PRKCA: variants seen among roughly 807,000 people sequenced by gnomAD.
The protein encoded by PRKCA is protein kinase C alpha type.
PRKCA carries 27 observed loss-of-function variants against 87.0 expected under a neutral mutation model. That is an observed-to-expected ratio of 0.31 (90% CI 0.23 to 0.43). The LOEUF (loss-of-function observed/expected upper bound fraction) is 0.43. Among genes scored for constraint, PRKCA ranks in the 20% least tolerant of loss-of-function variants. The pLI is 1.00. For missense variants in PRKCA, 518 were observed against 852.3 expected (o/e 0.61, Z 4.88); for synonymous variants, 329 against 311.1 (o/e 1.06, Z -0.61).
intron 2 of PRKCA, among the ~76,000 whole-genome samples, chr17:66,488,265 G>A (rs1359149382): frequency 6.6e-6 from 1 of 152,184 alleles, no homozygotes; most frequent in Non-Finnish European, 1.5e-5. Context: ...TGTATGATAT[G>A]ACTTTGTGGA....
At chr17:66,779,433 G>T (rs553810755) in intron 14 of PRKCA, among the ~76,000 whole-genome samples, 321 of 150,912 alleles carry the variant, frequency 2.1e-3, no homozygotes, top group Non-Finnish European at 3.8e-3. Flanking sequence ...TCGTCATAAA[G>T]GGACCAGCCC....
chr17:66,642,358 T>C (rs982987099), intron 4 of PRKCA, among the ~76,000 whole-genome samples: 12 of 152,112 alleles, frequency 7.9e-5, no homozygotes. Flanking sequence ...CTCGATCTCC[T>C]GACCTCGTGA....
intron 3 of PRKCA, among the ~76,000 whole-genome samples, chr17:66,620,099 T>C (rs1970633485): frequency 6.6e-6 from 1 of 152,206 alleles, no homozygotes; most frequent in African/African-American, 2.4e-5. Context: ...GTCATGCAGC[T>C]TTCAAAGAGC....
chr17:66,584,264 C>T (rs1969529636), intron 3 of PRKCA, among the ~76,000 whole-genome samples: 1 of 134,148 alleles, frequency 7.5e-6, no homozygotes, highest in South Asian at 2.4e-4. Flanking sequence ...CTCTGTCGCC[C>T]AGGCTGGAGT....
intron 5 of PRKCA, among the ~76,000 whole-genome samples, chr17:66,649,129 A>G (rs1474696506): frequency 6.6e-6 from 1 of 151,882 alleles, no homozygotes; most frequent in Admixed American, 6.6e-5. Context: ...AAGAAAAAAT[A>G]GGTACCCGCA....
chr17:66,690,666 AAAAATAC>A lies in PRKCA; in HGVS notation c.918+1624_918+1630del, dbSNP rs1972755495. 7.9e-5 allele frequency among the ~76,000 whole-genome samples: 12 copies of A among 152,008 alleles called. No individual in the cohort carries two copies. The South Asian group carries it at 2.5e-3, about 32-fold the overall frequency. ...AACATGGCGAAACCCAATCTCTACT[AAAAATAC>A]AAAAATTAGCCGGGTTTGGTGGCAT... On this transcript the variant is annotated intron_variant, in intron 8 of 16. Transcript: ENST00000413366.
At chr17:66,663,353 G>A (rs991305221) in intron 5 of PRKCA, among the ~76,000 whole-genome samples, 5 of 152,222 alleles carry the variant, frequency 3.3e-5, no homozygotes, top group Non-Finnish European at 7.3e-5. Context: ...TGATGTGAAT[G>A]CTTATAATTT....
chr17:66,335,066 A>G (rs1167453256), intron 2 of PRKCA, among the ~76,000 whole-genome samples: 1 of 152,174 alleles, frequency 6.6e-6, no homozygotes, highest in Non-Finnish European at 1.5e-5. Context: ...TCTCAAACTC[A>G]TGGAGACAGA....
intron 2 of PRKCA, among the ~76,000 whole-genome samples, chr17:66,371,715 T>C (rs1909115777): frequency 1.3e-5 from 2 of 152,216 alleles, no homozygotes; most frequent in African/African-American, 2.4e-5. Flanking sequence ...GTAATATATA[T>C]GTTGCTTTTT....
intron 5 of PRKCA, among the ~76,000 whole-genome samples, chr17:66,647,685 G>A (rs986948191): frequency 3.3e-5 from 5 of 152,274 alleles, no homozygotes; most frequent in African/African-American, 4.8e-5. Flanking sequence ...AGGCCTTATC[G>A]TGCTAGAGCT....
intron 3 of PRKCA, among the ~76,000 whole-genome samples, chr17:66,550,239 T>C (rs1016185414): frequency 6.6e-6 from 1 of 152,204 alleles, no homozygotes; most frequent in Non-Finnish European, 1.5e-5. Flanking sequence ...GCCAGCATTC[T>C]CTCACAAAGG....
intron 1 of PRKCA, among the ~76,000 whole-genome samples, chr17:66,304,677 G>T (rs1393264350): frequency 6.6e-6 from 1 of 152,194 alleles, no homozygotes; most frequent in Non-Finnish European, 1.5e-5. Context: ...TGCGAATAAG[G>T]TGTTTAATTT....
At chr17:66,372,864 C>G (rs1021975908) in intron 2 of PRKCA, among the ~76,000 whole-genome samples, 9 of 152,126 alleles carry the variant, frequency 5.9e-5, no homozygotes, top group Middle Eastern at 3.2e-3. Flanking sequence ...CGAGACCAGC[C>G]TGCCCAACAC....
chr17:66,618,310 G>A (rs897507131), intron 3 of PRKCA, among the ~76,000 whole-genome samples: 2 of 149,884 alleles, frequency 1.3e-5, no homozygotes, highest in Non-Finnish European at 3.0e-5. Context: ...AGCTGAGATC[G>A]TGCCATTGCA....
chr17:66,715,508 C>A (rs1973451171), intron 8 of PRKCA, among the ~76,000 whole-genome samples: 1 of 152,212 alleles, frequency 6.6e-6, no homozygotes, highest in African/African-American at 2.4e-5. Context: ...TTTCTTGGAT[C>A]TGTGGCTTGC....
At position 66,689,187 on chromosome 17, in the gene PRKCA, C is replaced by T; in HGVS notation, c.918+140C>T. Reference sequence around the variant, plus strand: ...AATGATCTTTTTCTTTATTTAAAAACATGAATGTTGTTCGTTCCCTTTCCT... The same window carrying T: ...AATGATCTTTTTCTTTATTTAAAAATATGAATGTTGTTCGTTCCCTTTCCT... On this transcript the variant is annotated intron_variant, in intron 8 of 16. Transcript: ENST00000413366. The surrounding 1 kb of genome is among the most constrained non-coding windows in gnomAD (Gnocchi z 4.1). 1 of 578,054 alleles carries T rather than the reference C, an allele frequency of 1.7e-6. No individual in the cohort carries two copies. Among genetic ancestry groups the T allele is most frequent in the Non-Finnish European group, 3.0e-6 (1 of 329,740 alleles). The allele number at this position is 578,054 out of a possible 1,614,324, so 35.8% of individuals were successfully genotyped here. A position where few individuals can be genotyped will look rare whatever the true frequency, so the allele number is the denominator to read the frequency against.
chr17:66,308,366 T>A lies in PRKCA; in HGVS notation c.205+2239T>A, dbSNP rs138245631. ...TGAAAAGGGGCCCCTCTTTTAGATT[T>A]CCATCTCCTGCATTATGGGTGAGCT... On this transcript the variant is annotated intron_variant, in intron 2 of 16. Transcript: ENST00000413366. Among the ~76,000 whole-genome samples, 297 of 152,096 alleles carry A rather than the reference T, an allele frequency of 2.0e-3. 8 individuals carry two copies. In the East Asian group the frequency reaches 0.05, roughly 26 times the overall value.
intron 3 of PRKCA, among the ~76,000 whole-genome samples, chr17:66,632,156 A>G (rs1027746918): frequency 4.6e-5 from 7 of 152,206 alleles, no homozygotes; most frequent in African/African-American, 1.2e-4. Context: ...CAGCCGGAAT[A>G]TAGCCAGTGT....
At chr17:66,676,605 TG>T (rs1343986202) in intron 5 of PRKCA, 1 of 152,202 alleles carries the variant, frequency 6.6e-6, no homozygotes, top group African/African-American at 2.4e-5. Flanking sequence ...TGCTTCTGGG[TG>T]GGGCTAAGGT....
Sources: allele counts gnomAD v4.1 joint callset (sites outside exome capture counted in the v4.1 genomes callset), GRCh38; gene constraint gnomAD v4.1.1; non-coding constraint Gnocchi (gnomAD v3.1); transcripts MANE v1.5; gene names NCBI Gene and HGNC (gene_info 2026-07-23, HGNC 2026-07-21).